The following MAST2 variants were observed in gnomAD, a reference collection of about 807,000 sequenced individuals.
The protein encoded by MAST2 is microtubule associated serine/threonine kinase 2.
MAST2 carries 70 observed loss-of-function variants against 147.4 expected under a neutral mutation model. The observed-to-expected ratio is 0.47, with a 90% CI of 0.39 to 0.58. MAST2 has a LOEUF of 0.58. MAST2 is among the 20% of genes least tolerant of loss of function. MAST2 has a pLI of 0.00. For synonymous variants in MAST2, 869 were observed against 896.8 expected (o/e 0.97, Z 0.55); for missense variants, 2,080 against 2,302.3 (o/e 0.90, Z 1.98).
At chr1:45,956,356 A>G (rs192959361) in intron 4 of MAST2, among the ~76,000 whole-genome samples, 3 of 152,118 alleles carry the variant, frequency 2.0e-5, no homozygotes, top group Non-Finnish European at 2.9e-5. Context: ...CATATCACCA[A>G]CCCTTACTGT....
chr1:45,933,848 T>A (rs1238666666), intron 4 of MAST2, among the ~76,000 whole-genome samples: 1 of 152,084 alleles, frequency 6.6e-6, no homozygotes, highest in Non-Finnish European at 1.5e-5. Flanking sequence ...TTTATTTTCC[T>A]CAATTTGTTT....
intron 10 of MAST2, among the ~76,000 whole-genome samples, chr1:46,013,928 C>T (rs1264646510): frequency 1.3e-5 from 2 of 152,200 alleles, no homozygotes; most frequent in East Asian, 3.9e-4. Context: ...CAACCTTTCT[C>T]TTCATTTCAT....
chr1:46,029,151 G>A, intron 18 of MAST2: 1 of 569,048 alleles, frequency 1.8e-6, no homozygotes, highest in Non-Finnish European at 3.1e-6. Context: ...ATAGACACCT[G>A]GTCTCTCATA....
chr1:46,022,008 A>G lies in MAST2; in HGVS notation c.1349A>G (p.Glu450Gly), dbSNP rs773913950. 10 of 1,614,080 alleles carry G rather than the reference A, an allele frequency of 6.2e-6. No individual in the cohort carries two copies. The highest frequency in any genetic ancestry group is 8.5e-6 in the Non-Finnish European group (10 of 1,180,036). The change falls in exon 12 of 29, where the codon GAG becomes GGG. Residue 450 changes from glutamate to glycine, a missense_variant. Physicochemically the swap from Glu to Gly is moderately conservative, Grantham distance 98 (BLOSUM62 -2). Around this residue, in one of 4 missense-constraint regions of MAST2, gnomAD observed 569 missense variants for 642.5 expected, o/e 0.89. Transcript: ENST00000361297. Reference protein sequence around the residue: ...LLEAAEGHAKEGQGIKCDIPR... With the variant: ...LLEAAEGHAKGGQGIKCDIPR... ...GAAGCAGCTGAGGGCCACGCCAAAG[A>G]GGGACAAGGGATTAAATGTGACATT...
chr1:46,003,182 T>G (rs1375079158), intron 7 of MAST2, among the ~76,000 whole-genome samples: 1 of 152,172 alleles, frequency 6.6e-6, no homozygotes, highest in Non-Finnish European at 1.5e-5. Context: ...ATATGGGGAC[T>G]CCTAAGCACA....
chr1:45,993,512 C>T (rs1378659582), intron 5 of MAST2, among the ~76,000 whole-genome samples: 2 of 151,868 alleles, frequency 1.3e-5, no homozygotes, highest in Admixed American at 6.6e-5. Flanking sequence ...GGTAAAATAC[C>T]GTCTCCATTA....
rs753233290 is a variant in MAST2 at position 46,035,988 on chromosome 1, G to A, written c.5319G>A (p.Arg1773=). Residue 1773 remains arginine, a synonymous_variant, in exon 29 of 29, where the codon AGG becomes AGA. Coordinates refer to ENST00000361297, the MANE Select transcript of MAST2 (RefSeq NM_015112.3). This position sits in a 1 kb window ranked among gnomAD's most constrained non-coding sequence, Gnocchi z 5.5. ...CCCAGAAGTCTGAGCCCAGCCTCAG[G>A]AGGGGCCAAGAACCAGGGGGCCATC... ...PLTQKSEPSL[R]RGQEPGGHQK... The A allele has an allele frequency of 9.3e-6, 15 of 1,613,878 alleles. No individual in the cohort carries two copies. The highest frequency in any genetic ancestry group is 1.2e-5 in the Non-Finnish European group (14 of 1,180,044).
chr1:45,888,536 G>A (rs1240643988), intron 4 of MAST2, among the ~76,000 whole-genome samples: 2 of 150,968 alleles, frequency 1.3e-5, no homozygotes, highest in East Asian at 2.0e-4. Context: ...CTAATTTTTT[G>A]TGTTTTTAGT....
chr1:45,873,962 T>C (rs1646499708), intron 3 of MAST2, among the ~76,000 whole-genome samples: 1 of 152,156 alleles, frequency 6.6e-6, no homozygotes, highest in Non-Finnish European at 1.5e-5. Flanking sequence ...CTGGGACTGC[T>C]GGCACATGCC....
intron 5 of MAST2, among the ~76,000 whole-genome samples, chr1:45,993,540 C>G (rs1302048741): frequency 6.6e-6 from 1 of 151,970 alleles, no homozygotes. Context: ...AAAAATTAGC[C>G]AGGCATGGTG....
intron 5 of MAST2, among the ~76,000 whole-genome samples, chr1:45,962,457 G>A (rs1302830802): frequency 3.9e-5 from 6 of 152,046 alleles, no homozygotes; most frequent in Admixed American, 6.6e-5. Context: ...TTTAATGATC[G>A]CCATTCTAAC....
intron 4 of MAST2, among the ~76,000 whole-genome samples, chr1:45,945,004 T>C (rs1657829524): frequency 6.6e-6 from 1 of 152,206 alleles, no homozygotes; most frequent in African/African-American, 2.4e-5. Context: ...AAAAAATGAC[T>C]GTGGACCAGG....
intron 4 of MAST2, among the ~76,000 whole-genome samples, chr1:45,934,281 G>A (rs1482881841): frequency 6.6e-6 from 1 of 152,156 alleles, no homozygotes; most frequent in Non-Finnish European, 1.5e-5. Flanking sequence ...TCAGGAGATC[G>A]AGACCACCCT....
chr1:46,035,072 G>C lies in MAST2; in HGVS notation c.4403G>C (p.Gly1468Ala), dbSNP rs3737737. The C allele has an allele frequency of 0.036, 57,778 of 1,613,756 alleles. 2,247 individuals are homozygous for C. Among genetic ancestry groups the C allele is most frequent in the East Asian group, 0.16 (6,990 of 44,860 alleles). The change falls in exon 29 of 29, where the codon GGG becomes GCG. Residue 1468 changes from glycine (G) to alanine (A), a missense_variant. By Grantham distance (60) the Gly-to-Ala change is moderately conservative (BLOSUM62 0). Around this residue, in one of 4 missense-constraint regions of MAST2, gnomAD observed 1,278 missense variants for 1,304.2 expected, o/e 0.98. Transcript: ENST00000361297. The surrounding 1 kb of genome is among the most constrained non-coding windows in gnomAD (Gnocchi z 5.5). ...LSGKGALPGK[G>A]VLQPAPSRAL... ...GGCAAGGGGGCCCTGCCAGGGAAGGGGGTGCTGCAGCCTGCTCCCTCACGG... is the reference window on the plus strand; with the variant it reads ...GGCAAGGGGGCCCTGCCAGGGAAGGCGGTGCTGCAGCCTGCTCCCTCACGG...
At chr1:45,962,336 G>T (rs1350819988) in intron 5 of MAST2, among the ~76,000 whole-genome samples, 2 of 151,944 alleles carry the variant, frequency 1.3e-5, no homozygotes, top group Non-Finnish European at 2.9e-5. Context: ...GATCCCTGAG[G>T]AATCGCCACA....
chr1:45,964,416 G>A (rs1464803059), intron 5 of MAST2, among the ~76,000 whole-genome samples: 2 of 152,176 alleles, frequency 1.3e-5, no homozygotes, highest in African/African-American at 4.8e-5. Flanking sequence ...TCTATTAAGA[G>A]ATTCAACTTC....
chr1:45,867,276 C>A (rs2148125067), intron 3 of MAST2, among the ~76,000 whole-genome samples: 1 of 152,202 alleles, frequency 6.6e-6, no homozygotes, highest in Admixed American at 6.5e-5. Flanking sequence ...TACTGGGTAA[C>A]CTCAGATTTG....
At chr1:45,839,921 C>T (rs1037722033) in intron 3 of MAST2, among the ~76,000 whole-genome samples, 4 of 152,154 alleles carry the variant, frequency 2.6e-5, no homozygotes, top group African/African-American at 9.7e-5. Context: ...AAACAATTCA[C>T]ACAAAAATAT....
At chr1:45,856,787 G>GTT (rs58794977) in intron 3 of MAST2, among the ~76,000 whole-genome samples, 1 of 144,560 alleles carries the variant, frequency 6.9e-6, no homozygotes, top group Non-Finnish European at 1.5e-5. Context: ...CTTTAGATCT[G>GTT]TTTTTTTTTT....
Sources: allele counts gnomAD v4.1 joint callset (sites outside exome capture counted in the v4.1 genomes callset), GRCh38; gene constraint gnomAD v4.1.1; regional missense constraint gnomAD v4.1.1; non-coding constraint Gnocchi (gnomAD v3.1); transcripts MANE v1.5; gene names NCBI Gene and HGNC (gene_info 2026-07-23, HGNC 2026-07-21).